Variants in CACNA1C observed in about 807,000 individuals in gnomAD.
CACNA1C encodes the protein voltage-dependent L-type calcium channel subunit alpha-1C.
A neutral mutation model predicts 229.0 loss-of-function variants in CACNA1C; 30 were observed. The observed-to-expected ratio is 0.13, with a 90% CI of 0.10 to 0.18. CACNA1C has a LOEUF of 0.18. CACNA1C is among the 10% of genes least tolerant of loss of function. CACNA1C has a pLI of 1.00. For missense variants in CACNA1C, 1,658 were observed against 2,845.0 expected, an observed-to-expected ratio of 0.58 and a Z score of 9.49; for synonymous variants, 1,114 against 1,132.5, an observed-to-expected ratio of 0.98 and a Z score of 0.33.
intron 1 of CACNA1C, among the ~76,000 whole-genome samples, chr12:2,040,473 A>G (rs962320229): frequency 1.2e-4 from 19 of 152,236 alleles, no homozygotes; most frequent in Admixed American, 2.0e-4. Context: ...TTAGACTTTT[A>G]TAAGAAATGT....
At chr12:2,007,374 G>C (rs536929637) in intron 1 of CACNA1C, among the ~76,000 whole-genome samples, 2 of 152,318 alleles carry the variant, frequency 1.3e-5, no homozygotes, top group Non-Finnish European at 2.9e-5. Flanking sequence ...AGGCAATATA[G>C]GGGCCATTGT....
intron 3 of CACNA1C, among the ~76,000 whole-genome samples, chr12:2,351,746 A>G (rs2097207628): frequency 6.6e-6 from 1 of 152,186 alleles, no homozygotes; most frequent in Non-Finnish European, 1.5e-5. Flanking sequence ...GCTTAGGGTC[A>G]TGAGAGCGTG....
intron 3 of CACNA1C, among the ~76,000 whole-genome samples, chr12:2,379,648 C>T (rs2098177170): frequency 1.3e-5 from 2 of 152,198 alleles, no homozygotes; most frequent in South Asian, 2.1e-4. Flanking sequence ...GTAACTGGCC[C>T]ATGGTCACAT....
rs769080037 is a variant in CACNA1C, at chr12:2,232,253, GT to G, written c.477+111826del. ...TTTTTTTTTTTTTTTTTTTTTTTTT[GT>G]TTGTTTGTTTGTTTGTTTTTAATGA... On this transcript the variant is annotated intron_variant, in intron 3 of 46. Coordinates refer to ENST00000399655, the MANE Select transcript of CACNA1C (RefSeq NM_000719.7). Among the ~76,000 whole-genome samples, 585 of 74,890 alleles carry G rather than the reference GT, an allele frequency of 7.8e-3. 11 individuals are homozygous for G. Among genetic ancestry groups the G allele is most frequent in the South Asian group, 0.068 (150 of 2,210 alleles). 49.1% of individuals were successfully genotyped at this position (74,890 alleles called of 152,430 possible). A position where few individuals can be genotyped will look rare whatever the true frequency, so the allele number is the denominator to read the frequency against.
At chr12:2,683,732 T>G (rs1275267209) in intron 43 of CACNA1C, among the ~76,000 whole-genome samples, 1 of 152,170 alleles carries the variant, frequency 6.6e-6, no homozygotes, top group Non-Finnish European at 1.5e-5. Context: ...TCTATTATTT[T>G]CTGAGCTGGA....
chr12:2,423,064 T>C (rs896364430), intron 3 of CACNA1C, among the ~76,000 whole-genome samples: 7 of 152,164 alleles, frequency 4.6e-5, no homozygotes, highest in African/African-American at 1.7e-4. Context: ...TCATCTAGCA[T>C]GATTTCCCAC....
intron 9 of CACNA1C, among the ~76,000 whole-genome samples, chr12:2,549,687 G>A (rs2099893258): frequency 6.6e-6 from 1 of 152,180 alleles, no homozygotes; most frequent in Non-Finnish European, 1.5e-5. Context: ...GTCCTATGAG[G>A]TAAAATGCTC....
At chr12:2,314,361 C>T (rs1028669752) in intron 3 of CACNA1C, among the ~76,000 whole-genome samples, 1 of 152,188 alleles carries the variant, frequency 6.6e-6, no homozygotes, top group South Asian at 2.1e-4. Context: ...ATATAAATGT[C>T]ATTGAGGTAC....
rs1317725075 is a variant in CACNA1C at position 2,566,857 on chromosome 12, G to A, written c.1669+275G>A. Among the ~76,000 whole-genome samples the A allele has an allele frequency of 6.6e-6, 1 of 152,196 alleles. No individual in the cohort carries two copies. Among genetic ancestry groups the A allele is most frequent in the Non-Finnish European group, 1.5e-5 (1 of 68,044 alleles). On this transcript the variant is annotated intron_variant, in intron 12 of 46. Coordinates refer to ENST00000399655, the MANE Select transcript of CACNA1C (RefSeq NM_000719.7). This position sits in a 1 kb window ranked among gnomAD's most constrained non-coding sequence, Gnocchi z 4.0. ...GTTGGACCCAGGTGATGAGGAAAGG[G>A]GCTGCAGCTTGTTTGCCTATCTCAG...
intron 1 of CACNA1C, among the ~76,000 whole-genome samples, chr12:2,074,069 A>G (rs2062295581): frequency 1.3e-5 from 2 of 152,200 alleles, no homozygotes; most frequent in East Asian, 1.9e-4. Context: ...CTTAGGTTGT[A>G]TTTTATACAG....
intron 3 of CACNA1C, among the ~76,000 whole-genome samples, chr12:2,448,599 T>A (rs961996578): frequency 6.6e-6 from 1 of 152,186 alleles, no homozygotes; most frequent in African/African-American, 2.4e-5. Context: ...TATCCCCTTC[T>A]CTTTTGGCCC....
At chr12:2,671,019 C>CTT (rs201234888) in intron 38 of CACNA1C, among the ~76,000 whole-genome samples, 8 of 142,716 alleles carry the variant, frequency 5.6e-5, no homozygotes, top group African/African-American at 2.0e-4. Flanking sequence ...CCAAAACACA[C>CTT]TTTTTTTTTT....
At position 2,053,627 on chromosome 12, in the gene CACNA1C, G is replaced by T; in HGVS notation, c.49+16G>T. The T allele has an allele frequency of 6.4e-7, 1 of 1,567,980 alleles. No individual in the cohort carries two copies. The highest frequency in any genetic ancestry group is 1.2e-5 in the South Asian group (1 of 85,390). ...AACCACCAAGGTAAGGCTGGACCCC[G>T]CCGCCTCGCCGGGGCTCCCTGCCTT... On this transcript the variant is annotated intron_variant, in intron 1 of 46. Coordinates refer to ENST00000399655, the MANE Select transcript of CACNA1C (RefSeq NM_000719.7). This position sits in a 1 kb window ranked among gnomAD's most constrained non-coding sequence, Gnocchi z 5.8.
intron 1 of CACNA1C, among the ~76,000 whole-genome samples, chr12:2,021,740 C>A (rs1248084411): frequency 6.6e-6 from 1 of 152,034 alleles, no homozygotes; most frequent in Non-Finnish European, 1.5e-5. Context: ...AAGATCTAGG[C>A]GCCAGCATCT....
rs972671701 is a variant in CACNA1C at position 2,512,672 on chromosome 12, G to A, written c.1218-140G>A. The A allele has an allele frequency of 3.4e-5, 21 of 612,786 alleles. No homozygotes were observed. Among genetic ancestry groups the A allele is most frequent in the Middle Eastern group, 8.9e-4 (2 of 2,238 alleles). 38.0% of individuals were successfully genotyped at this position (612,786 alleles called of 1,614,324 possible). A position where few individuals can be genotyped will look rare whatever the true frequency, so the allele number is the denominator to read the frequency against. ...GGAGCTGTCTGTGGAAAGTAGGGGC[G>A]TGTGGGCAGGTTTCTCCCTGCAAAG... On this transcript the variant is annotated intron_variant, in intron 8 of 46. Coordinates refer to ENST00000399655, the MANE Select transcript of CACNA1C (RefSeq NM_000719.7). The surrounding 1 kb of genome is among the most constrained non-coding windows in gnomAD (Gnocchi z 4.3).
chr12:2,324,085 C>T (rs1166568260), intron 3 of CACNA1C, among the ~76,000 whole-genome samples: 3 of 152,182 alleles, frequency 2.0e-5, no homozygotes, highest in Non-Finnish European at 2.9e-5. Context: ...CTATATATAA[C>T]CCAAATGTCC....
At chr12:1,996,139 T>C (rs1415928386) in intron 1 of CACNA1C, among the ~76,000 whole-genome samples, 3 of 152,180 alleles carry the variant, frequency 2.0e-5, no homozygotes, top group African/African-American at 2.4e-5. Flanking sequence ...TCTACCCCAC[T>C]GCAATAATCT....
intron 3 of CACNA1C, among the ~76,000 whole-genome samples, chr12:2,337,298 C>T (rs190826219): frequency 4.6e-4 from 70 of 152,308 alleles, no homozygotes; most frequent in Non-Finnish European, 9.3e-4. Context: ...CTAGCCAGGA[C>T]CATTGTTTCT....
At chr12:2,296,740 C>T (rs1452352620) in intron 3 of CACNA1C, among the ~76,000 whole-genome samples, 1 of 152,172 alleles carries the variant, frequency 6.6e-6, no homozygotes, top group African/African-American at 2.4e-5. Context: ...CCAAATTCCC[C>T]CGTTGGTCTG....
Sources: gnomAD v4.1 joint callset for allele counts (sites outside exome capture counted in the v4.1 genomes callset) on GRCh38, gnomAD v4.1.1 for gene constraint, Gnocchi (gnomAD v3.1) non-coding constraint, MANE v1.5 for transcripts, NCBI Gene and HGNC (gene_info 2026-07-23, HGNC 2026-07-21) for gene names.